The following HDAC9 variants were observed in gnomAD, a reference collection of about 807,000 sequenced individuals.
HDAC9 encodes histone deacetylase 9, also known as MEF-2 interacting transcription repressor (MITR) protein.
Under a neutral mutation model 139.4 loss-of-function variants are expected in HDAC9, and 41 were observed. The ratio of observed to expected loss-of-function variants is 0.29; its 90% CI spans 0.23 to 0.38. The LOEUF (loss-of-function observed/expected upper bound fraction) is 0.38, where lower values mean the gene tolerates loss of function less well. Ranked by LOEUF, HDAC9 falls within the 10% of genes least tolerant of loss-of-function variation. HDAC9 has a pLI of 1.00. For missense variants in HDAC9, 1,147 were observed against 1,297.0 expected, an observed-to-expected ratio of 0.88 and a Z score of 1.78; for synonymous variants, 517 against 476.2, an observed-to-expected ratio of 1.09 and a Z score of -1.12.
chr7:18,148,819 A>G (rs1238243426), intron 1 of HDAC9, among the ~76,000 whole-genome samples: 1 of 152,172 alleles, frequency 6.6e-6, no homozygotes, highest in Non-Finnish European at 1.5e-5. Flanking sequence ...ATAATCCAGG[A>G]TAATCTTATG....
chr7:18,917,264 C>T (rs548866519), intron 22 of HDAC9, among the ~76,000 whole-genome samples: 1 of 151,988 alleles, frequency 6.6e-6, no homozygotes, highest in South Asian at 2.1e-4. Context: ...CAGGATCAAG[C>T]ATGGGCACTG....
At chr7:18,587,930 A>T (rs759306237) in intron 3 of HDAC9, among the ~76,000 whole-genome samples, 1 of 152,248 alleles carries the variant, frequency 6.6e-6, no homozygotes, top group Non-Finnish European at 1.5e-5. Flanking sequence ...TGAAGCACCA[A>T]ATTAATTTGA....
chr7:18,866,573 A>G (rs1463836141), intron 21 of HDAC9, among the ~76,000 whole-genome samples: 1 of 152,170 alleles, frequency 6.6e-6, no homozygotes, highest in Non-Finnish European at 1.5e-5. Context: ...CAGAGTTACA[A>G]CATATTTGCA....
At chr7:18,684,017 G>A (rs896489209) in intron 12 of HDAC9, among the ~76,000 whole-genome samples, 1 of 151,872 alleles carries the variant, frequency 6.6e-6, no homozygotes, top group African/African-American at 2.4e-5. Context: ...AGCCCTTTGG[G>A]AGGACAAAAT....
chr7:18,833,340 C>T (rs1033645386), intron 19 of HDAC9, among the ~76,000 whole-genome samples: 4 of 152,110 alleles, frequency 2.6e-5, no homozygotes, highest in African/African-American at 9.7e-5. Context: ...TTTAAGTAAA[C>T]ATTTACAGTG....
chr7:18,734,813 C>G (rs1051822596), intron 13 of HDAC9, among the ~76,000 whole-genome samples: 1 of 152,238 alleles, frequency 6.6e-6, no homozygotes, highest in African/African-American at 2.4e-5. Context: ...AATCGCCACA[C>G]TGTGTTCCAC....
chr7:18,632,841 T>G (rs1162698892), intron 7 of HDAC9, among the ~76,000 whole-genome samples: 8 of 151,970 alleles, frequency 5.3e-5, no homozygotes, highest in Non-Finnish European at 7.4e-5. Flanking sequence ...GATGGAGAGA[T>G]AGTGTAAAGA....
rs143852513 is a variant in HDAC9 at position 18,326,342 on chromosome 7, A to G, written c.-42+35827A>G. 4.0e-3 allele frequency among the ~76,000 whole-genome samples: 612 copies of G among 152,216 alleles called. 3 individuals carry two copies. Among genetic ancestry groups the G allele is most frequent in the African/African-American group, 0.014 (595 of 41,562 alleles). ...AGTGTTTTTTTATAAATGACAACATACTTAGGAATTTTTACAATTTGTTTG... is the reference window on the plus strand; with the variant it reads ...AGTGTTTTTTTATAAATGACAACATGCTTAGGAATTTTTACAATTTGTTTG... On this transcript the variant is annotated intron_variant, in intron 1 of 3. Coordinates refer to the HDAC9 transcript ENST00000413509.
At chr7:18,184,744 T>G (rs1789772213) in intron 2 of HDAC9, among the ~76,000 whole-genome samples, 1 of 152,228 alleles carries the variant, frequency 6.6e-6, no homozygotes, top group Non-Finnish European at 1.5e-5. Context: ...GAATCCAGCA[T>G]ATTCATTTGA....
At chr7:18,923,947 T>C (rs1022309765) in intron 22 of HDAC9, among the ~76,000 whole-genome samples, 3 of 152,214 alleles carry the variant, frequency 2.0e-5, no homozygotes, top group Admixed American at 6.6e-5. Context: ...ATTTTTTTAA[T>C]GGCAGGTGGG....
intron 1 of HDAC9, among the ~76,000 whole-genome samples, chr7:18,388,269 C>T (rs1786128949): frequency 6.6e-6 from 1 of 152,116 alleles, no homozygotes; most frequent in Non-Finnish European, 1.5e-5. Context: ...TGCCATGACT[C>T]CCTGAGAGGT....
At chr7:18,632,685 G>T (rs1782702163) in intron 7 of HDAC9, among the ~76,000 whole-genome samples, 1 of 152,072 alleles carries the variant, frequency 6.6e-6, no homozygotes, top group Non-Finnish European at 1.5e-5. Context: ...GACATGGTGT[G>T]AGTTATCTCT....
Position 18,668,079 on chromosome 7 carries a change from G to A in HDAC9, c.1731+1603G>A, listed in dbSNP as rs909437353. 38 of 968,262 alleles carry A rather than the reference G, an allele frequency of 3.9e-5. 1 individual carries two copies. In the African/African-American group the frequency reaches 4.0e-4, roughly 10 times the overall value. The allele number at this position is 968,262 out of a possible 1,614,324, so 60.0% of individuals were successfully genotyped here. A position where few individuals can be genotyped will look rare whatever the true frequency, so the allele number is the denominator to read the frequency against. ...TTGTTCAACTGTATGTTATTGGCAC[G>A]TGTTGTTTACATTTTGCTGTGACAT... On this transcript the variant is annotated intron_variant, in intron 12 of 25. Transcript: ENST00000686413.
intron 2 of HDAC9, among the ~76,000 whole-genome samples, chr7:18,176,335 C>T (rs1470399886): frequency 2.6e-5 from 4 of 152,128 alleles, no homozygotes; most frequent in Non-Finnish European, 5.9e-5. Context: ...TTATCTTGAA[C>T]CTCTGTTTTT....
chr7:18,760,025 A>T (rs1406802507), intron 14 of HDAC9, among the ~76,000 whole-genome samples: 1 of 152,206 alleles, frequency 6.6e-6, no homozygotes, highest in African/African-American at 2.4e-5. Context: ...TCATCAAAAC[A>T]TGGGTCTGAT....
chr7:18,415,578 A>T (rs965421022), intron 1 of HDAC9, among the ~76,000 whole-genome samples: 8 of 152,220 alleles, frequency 5.3e-5, no homozygotes, highest in Admixed American at 1.3e-4. Flanking sequence ...GATAATAATG[A>T]GAGGGAAAAT....
At chr7:18,112,839 A>T (rs1036299188) in intron 1 of HDAC9, among the ~76,000 whole-genome samples, 1 of 152,134 alleles carries the variant, frequency 6.6e-6, no homozygotes, top group Non-Finnish European at 1.5e-5. Context: ...CTTTTTTGAA[A>T]AGTATGGCAG....
chr7:18,952,536 A>G (rs576983438), intron 23 of HDAC9, among the ~76,000 whole-genome samples: 1 of 152,116 alleles, frequency 6.6e-6, no homozygotes, highest in East Asian at 1.9e-4. Flanking sequence ...TATTAGTAAA[A>G]TCTACCTGAT....
At chr7:18,153,245 A>T (rs910974458) in intron 1 of HDAC9, among the ~76,000 whole-genome samples, 1 of 152,174 alleles carries the variant, frequency 6.6e-6, no homozygotes, top group African/African-American at 2.4e-5. Flanking sequence ...CAAAGCAAGG[A>T]AAGAATAAAG....
Sources: allele counts gnomAD v4.1 joint callset (sites outside exome capture counted in the v4.1 genomes callset), GRCh38; gene constraint gnomAD v4.1.1; transcripts MANE v1.5; gene names NCBI Gene and HGNC (gene_info 2026-07-23, HGNC 2026-07-21).